SYT1: variants seen among roughly 807,000 people sequenced by gnomAD.
The protein encoded by SYT1 is synaptotagmin 1.
In SYT1, 8 loss-of-function variants were observed where a neutral mutation model predicts 44.8. That is an observed-to-expected ratio of 0.18 (90% CI 0.10 to 0.32). The LOEUF is 0.32. Ranked by LOEUF, SYT1 falls within the 10% of genes least tolerant of loss-of-function variation. The pLI is 1.00. For synonymous variants in SYT1, 154 were observed against 188.8 expected, an observed-to-expected ratio of 0.82 and a Z score of 1.51; for missense variants, 286 against 509.3, an observed-to-expected ratio of 0.56 and a Z score of 4.22.
intron 8 of SYT1, among the ~76,000 whole-genome samples, chr12:79,300,968 G>A (rs1880123306): frequency 1.3e-5 from 2 of 150,584 alleles, no homozygotes; most frequent in Admixed American, 6.6e-5. Context: ...TTTCCTATAA[G>A]TGAACTAATA....
chr12:79,015,128 G>T (rs1191170060), intron 2 of SYT1, among the ~76,000 whole-genome samples: 2 of 151,758 alleles, frequency 1.3e-5, no homozygotes, highest in Non-Finnish European at 2.9e-5. Flanking sequence ...GAGTTAATGG[G>T]TGCAGCACAC....
At chr12:79,379,056 A>G (rs186357581) in intron 9 of SYT1, among the ~76,000 whole-genome samples, 4 of 152,262 alleles carry the variant, frequency 2.6e-5, no homozygotes, top group Admixed American at 1.3e-4. Flanking sequence ...AATCTTCCAT[A>G]GTAATTTCCT....
chr12:79,286,170 A>T (rs1290348586), intron 5 of SYT1, among the ~76,000 whole-genome samples, 199 bp downstream of exon 5: 1 of 152,214 alleles, frequency 6.6e-6, no homozygotes, highest in Non-Finnish European at 1.5e-5. Context: ...TCTCCTGAGC[A>T]TATAGAACAG....
intron 3 of SYT1, chr12:79,103,118 A>G (rs1377422753): frequency 6.6e-6 from 1 of 152,172 alleles, no homozygotes; most frequent in African/African-American, 2.4e-5. Context: ...TTTAAGCAGT[A>G]TTGACTGTGG....
At chr12:79,335,208 C>G (rs894527124) in intron 8 of SYT1, among the ~76,000 whole-genome samples, 1 of 152,158 alleles carries the variant, frequency 6.6e-6, no homozygotes, top group Non-Finnish European at 1.5e-5. Flanking sequence ...ACCCTTTCAA[C>G]TAGATCTTTC....
chr12:78,951,410 G>C (rs1394387573), intron 1 of SYT1, among the ~76,000 whole-genome samples: 1 of 152,092 alleles, frequency 6.6e-6, no homozygotes, highest in Non-Finnish European at 1.5e-5. Context: ...ATAGTAGGTA[G>C]GAAAGTTATA....
chr12:79,218,470 C>A (rs1918197), intron 4 of SYT1, among the ~76,000 whole-genome samples: 2 of 151,478 alleles, frequency 1.3e-5, no homozygotes, highest in African/African-American at 2.4e-5. Flanking sequence ...ATCTCTCGAA[C>A]TTATTTCTCC....
intron 9 of SYT1, among the ~76,000 whole-genome samples, chr12:79,373,134 T>C (rs887658226): frequency 2.6e-5 from 4 of 152,202 alleles, no homozygotes; most frequent in African/African-American, 9.6e-5. Flanking sequence ...AAAGTAATTA[T>C]TGGTAAACCA....
At chr12:79,444,925 A>G (rs1870622534) in intron 10 of SYT1, among the ~76,000 whole-genome samples, 1 of 152,172 alleles carries the variant, frequency 6.6e-6, no homozygotes. Context: ...TTAGCCTATA[A>G]GAATCTAAAG....
chr12:79,095,932 A>T (rs1035387518), intron 3 of SYT1, among the ~76,000 whole-genome samples: 2 of 151,912 alleles, frequency 1.3e-5, no homozygotes, highest in Non-Finnish European at 2.9e-5. Flanking sequence ...CACACAAAAT[A>T]TGAGACTCAA....
chr12:79,219,894 T>C (rs992371448), intron 4 of SYT1, among the ~76,000 whole-genome samples: 3 of 152,028 alleles, frequency 2.0e-5, no homozygotes, highest in Non-Finnish European at 2.9e-5. Flanking sequence ...AGAATGTAAT[T>C]GGTATTTTGT....
rs1164518871 is a variant in SYT1 at position 79,339,418 on chromosome 12, C to A, written c.811-14084C>A. Among the ~76,000 whole-genome samples, 5 of 152,276 alleles carry A rather than the reference C, an allele frequency of 3.3e-5. No homozygotes were observed. In the East Asian group the frequency reaches 7.7e-4, roughly 23 times the overall value. On this transcript the variant is annotated intron_variant, in intron 8 of 10. Coordinates refer to ENST00000261205, the MANE Select transcript of SYT1 (RefSeq NM_005639.3). ...TTTTGATTTGCATTTCTCTGATGACCAGTGATGATGAGCATTTTTTCATGT... is the reference window on the plus strand; with the variant it reads ...TTTTGATTTGCATTTCTCTGATGACAAGTGATGATGAGCATTTTTTCATGT...
intron 3 of SYT1, among the ~76,000 whole-genome samples, chr12:79,202,077 G>T (rs1264828115): frequency 1.3e-5 from 2 of 152,114 alleles, no homozygotes; most frequent in Non-Finnish European, 2.9e-5. Flanking sequence ...AAGCCAGCAT[G>T]CCTGTTTATC....
At chr12:79,057,869 A>T (rs1875082736) in intron 3 of SYT1, among the ~76,000 whole-genome samples, 1 of 152,002 alleles carries the variant, frequency 6.6e-6, no homozygotes, top group Admixed American at 6.6e-5. Context: ...ACAAAATAAA[A>T]ACAACAACAA....
chr12:78,899,250 C>T (rs927190019), intron 1 of SYT1, among the ~76,000 whole-genome samples: 6 of 149,852 alleles, frequency 4.0e-5, no homozygotes, highest in African/African-American at 1.5e-4. Flanking sequence ...GGAACTTTGC[C>T]TTGTCCCTCA....
intron 3 of SYT1, among the ~76,000 whole-genome samples, chr12:79,094,231 T>G (rs1001958757): frequency 5.3e-5 from 8 of 151,764 alleles, no homozygotes; most frequent in Non-Finnish European, 1.0e-4. Flanking sequence ...TAATTATTGT[T>G]AAAAATTAAA....
At chr12:78,964,767 T>C (rs1325686238) in intron 1 of SYT1, among the ~76,000 whole-genome samples, 1 of 152,094 alleles carries the variant, frequency 6.6e-6, no homozygotes, top group East Asian at 1.9e-4. Context: ...AGTGAGTAAT[T>C]GAGACAAAAA....
At chr12:79,355,712 T>C (rs147769702) in intron 9 of SYT1, among the ~76,000 whole-genome samples, 2 of 152,342 alleles carry the variant, frequency 1.3e-5, no homozygotes, top group African/African-American at 2.4e-5. Context: ...GGTCGTTTCC[T>C]TCACCTGGAA....
At chr12:79,154,153 TG>T (rs1334565051) in intron 3 of SYT1, among the ~76,000 whole-genome samples, 1 of 152,140 alleles carries the variant, frequency 6.6e-6, no homozygotes, top group Admixed American at 6.6e-5. Context: ...GTTAAATTTC[TG>T]TGGTGTATAT....
Sources: allele counts gnomAD v4.1 joint callset (sites outside exome capture counted in the v4.1 genomes callset), GRCh38; gene constraint gnomAD v4.1.1; transcripts MANE v1.5; gene names NCBI Gene and HGNC (gene_info 2026-07-23, HGNC 2026-07-21).